DENND5B: variants seen among roughly 807,000 people sequenced by gnomAD.
The protein encoded by DENND5B is DENN domain containing 5B.
A neutral mutation model predicts 140.6 loss-of-function variants in DENND5B; 34 were observed. That is an observed-to-expected ratio of 0.24 (90% CI 0.18 to 0.32). DENND5B has a LOEUF of 0.32. Ranked by LOEUF, DENND5B falls within the 10% of genes least tolerant of loss-of-function variation. DENND5B has a pLI of 1.00. For synonymous variants in DENND5B, 551 were observed against 562.1 expected (o/e 0.98, Z 0.28); for missense variants, 1,142 against 1,560.2 (o/e 0.73, Z 4.52).
intron 3 of DENND5B, chr12:31,477,498 C>A (rs1291303541): frequency 6.6e-6 from 1 of 152,394 alleles, no homozygotes; most frequent in African/African-American, 2.4e-5. Flanking sequence ...AGAACAGCCA[C>A]CACACTTATG....
At chr12:31,495,148 T>C (rs1946707399) in intron 2 of DENND5B, among the ~76,000 whole-genome samples, 1 of 152,192 alleles carries the variant, frequency 6.6e-6, no homozygotes, top group Non-Finnish European at 1.5e-5. Flanking sequence ...ACATGAGAAC[T>C]GTAATCAGGC....
intron 17 of DENND5B, among the ~76,000 whole-genome samples, chr12:31,397,032 T>C (rs536086977): frequency 1.3e-5 from 2 of 152,234 alleles, no homozygotes. Flanking sequence ...TAGAATTTTA[T>C]ATTTTTGGGA....
intron 1 of DENND5B, 124 bp downstream of exon 1, chr12:31,590,582 A>G: frequency 1.7e-6 from 2 of 1,182,282 alleles, no homozygotes; most frequent in South Asian, 4.1e-5. Context: ...TTCGGCCAGA[A>G]AGCGGCGGGA....
At chr12:31,428,056 T>C (rs1943326585) in intron 8 of DENND5B, among the ~76,000 whole-genome samples, 1 of 152,190 alleles carries the variant, frequency 6.6e-6, no homozygotes, top group Admixed American at 6.5e-5. Flanking sequence ...TAATGTTTTT[T>C]TCCAGTCCAA....
intron 16 of DENND5B, among the ~76,000 whole-genome samples, chr12:31,399,022 T>C (rs1941639468): frequency 6.8e-6 from 1 of 147,178 alleles, no homozygotes; most frequent in Admixed American, 7.0e-5. Flanking sequence ...CTCGGGAGGC[T>C]GAAGCACGAG....
intron 1 of DENND5B, chr12:31,500,508 C>G (rs1192493950): frequency 2.7e-6 from 1 of 374,094 alleles, no homozygotes; most frequent in African/African-American, 2.2e-5. Context: ...GGTGAAACCT[C>G]ATCTCTACTA....
intron 1 of DENND5B, among the ~76,000 whole-genome samples, chr12:31,581,247 T>C (rs1950200802): frequency 6.6e-6 from 1 of 152,184 alleles, no homozygotes; most frequent in Non-Finnish European, 1.5e-5. Context: ...TCAATGACTA[T>C]ATTTGGGAAC....
At chr12:31,408,488 G>T (rs1438607455) in intron 14 of DENND5B, among the ~76,000 whole-genome samples, 3 of 151,740 alleles carry the variant, frequency 2.0e-5, no homozygotes, top group Non-Finnish European at 4.4e-5. Context: ...TTAGCCGGGT[G>T]TGGTGGGGCG....
At chr12:31,569,060 C>CTTTTTTT (rs1234009016) in intron 1 of DENND5B, among the ~76,000 whole-genome samples, 11 of 93,150 alleles carry the variant, frequency 1.2e-4, no homozygotes, top group Non-Finnish European at 1.4e-4. Flanking sequence ...AGCAACATAC[C>CTTTTTTT]TTTTTTTTTT....
At chr12:31,545,500 G>GTTT (rs1434118722) in intron 1 of DENND5B, among the ~76,000 whole-genome samples, 1 of 152,054 alleles carries the variant, frequency 6.6e-6, no homozygotes, top group South Asian at 2.1e-4. Context: ...TGACAGCATG[G>GTTT]TTTTAACAGT....
At chr12:31,478,276 C>T (rs1945913353) in intron 3 of DENND5B, among the ~76,000 whole-genome samples, 5 of 151,970 alleles carry the variant, frequency 3.3e-5, no homozygotes, top group Admixed American at 3.3e-4. Flanking sequence ...TGGGGAAGTA[C>T]AAATATAGTC....
At chr12:31,509,266 C>T (rs1192064108) in intron 1 of DENND5B, among the ~76,000 whole-genome samples, 3 of 152,140 alleles carry the variant, frequency 2.0e-5, no homozygotes, top group Admixed American at 6.6e-5. Flanking sequence ...TTTCCTCTGT[C>T]GACAGTGCCA....
At chr12:31,405,899 G>A (rs1942105807) in intron 14 of DENND5B, among the ~76,000 whole-genome samples, 1 of 151,830 alleles carries the variant, frequency 6.6e-6, no homozygotes, top group Admixed American at 6.6e-5. Flanking sequence ...AGGCTCGAGT[G>A]CAGTGGGGCG....
intron 3 of DENND5B, among the ~76,000 whole-genome samples, chr12:31,464,408 T>C (rs561545296): frequency 6.6e-6 from 1 of 152,350 alleles, no homozygotes; most frequent in South Asian, 2.1e-4. Context: ...ACCAGAGTAC[T>C]ATCTACATGC....
intron 16 of DENND5B, 62 bp downstream of exon 16, chr12:31,399,592 C>T: frequency 7.2e-7 from 1 of 1,381,162 alleles, no homozygotes; most frequent in Non-Finnish European, 1.0e-6. Flanking sequence ...AATTCTTAAA[C>T]CTTTTCTTAC....
At chr12:31,542,861 G>A (rs564782277) in intron 1 of DENND5B, among the ~76,000 whole-genome samples, 3 of 152,278 alleles carry the variant, frequency 2.0e-5, no homozygotes, top group African/African-American at 7.2e-5. Context: ...GGAAGCTGAG[G>A]TGGAGGGTGG....
intron 1 of DENND5B, among the ~76,000 whole-genome samples, chr12:31,529,095 G>A (rs1446848053): frequency 1.3e-5 from 2 of 151,008 alleles, no homozygotes; most frequent in Non-Finnish European, 2.9e-5. Context: ...CTCGGGAGGC[G>A]GAGGTTGCAG....
intron 5 of DENND5B, among the ~76,000 whole-genome samples, chr12:31,451,317 T>TTTTA (rs1476499685): frequency 6.6e-6 from 1 of 151,936 alleles, no homozygotes; most frequent in African/African-American, 2.4e-5. Context: ...TTCTATAAAT[T>TTTTA]TTTATTTATT....
At position 31,389,462 on chromosome 12, in the gene DENND5B, A is replaced by G. The variant is rs1294397539; in HGVS notation, c.3503T>C (p.Ile1168Thr). The change falls in exon 20 of 21, where the codon ATT (isoleucine) becomes ACT (threonine). Residue 1168 changes from isoleucine to threonine, a missense_variant. Ile to Thr is a moderately conservative substitution (Grantham distance 89, BLOSUM62 -1). This residue lies in a region of DENND5B where 125 missense variants were observed against 179.0 expected (regional missense o/e 0.70). Transcript: ENST00000389082. ...VVAYFETTDQ[I>T]LDNEDDVLIQ... ...AAGGACATCATCTTCATTATCTAGA[A>G]TCTGGTCAGTTGTTTCAAAATAAGC... The G allele has an allele frequency of 6.3e-7, 1 of 1,599,994 alleles. No individual in the cohort carries two copies. Among genetic ancestry groups the G allele is most frequent in the Non-Finnish European group, 8.5e-7 (1 of 1,172,682 alleles).
Sources: allele counts gnomAD v4.1 joint callset (sites outside exome capture counted in the v4.1 genomes callset), GRCh38; gene constraint gnomAD v4.1.1; regional missense constraint gnomAD v4.1.1; transcripts MANE v1.5; gene names NCBI Gene and HGNC (gene_info 2026-07-23, HGNC 2026-07-21).